DCC: variants seen among roughly 807,000 people sequenced by gnomAD.
DCC encodes DCC netrin 1 receptor, also known as netrin receptor DCC.
Under a neutral mutation model 172.5 loss-of-function variants are expected in DCC, and 58 were observed. That is an observed-to-expected ratio of 0.34 (90% CI 0.27 to 0.42). The LOEUF is 0.42. DCC is among the 10% of genes least tolerant of loss of function. DCC has a pLI of 1.00. For synonymous variants in DCC, 709 were observed against 644.5 expected (o/e 1.10, Z -1.52); for missense variants, 1,740 against 1,791.0 (o/e 0.97, Z 0.51).
chr18:53,268,821 C>A (rs554024578), intron 12 of DCC, among the ~76,000 whole-genome samples: 13 of 152,270 alleles, frequency 8.5e-5, no homozygotes, highest in East Asian at 1.9e-4. Context: ...AGCTAAAGAG[C>A]AGAGGACTGG....
chr18:52,617,955 G>GA (rs1395948044), intron 1 of DCC, among the ~76,000 whole-genome samples: 2 of 152,108 alleles, frequency 1.3e-5, no homozygotes, highest in East Asian at 3.9e-4. Context: ...TCAAAGGTAT[G>GA]ACAGAAACCT....
chr18:53,340,069 CACACACAT>C (rs2057639662), intron 15 of DCC, among the ~76,000 whole-genome samples, 162 bp downstream of exon 15: 1 of 125,650 alleles, frequency 8.0e-6, no homozygotes, highest in Non-Finnish European at 1.8e-5. Flanking sequence ...CACACACACA[CACACACAT>C]ACACACACAC....
chr18:52,643,672 A>G (rs567375995), intron 1 of DCC, among the ~76,000 whole-genome samples: 44 of 152,262 alleles, frequency 2.9e-4, no homozygotes, highest in Admixed American at 9.2e-4. Flanking sequence ...CCCACATTCC[A>G]CACTATTTTC....
chr18:53,034,358 C>T (rs1027252085), intron 5 of DCC, among the ~76,000 whole-genome samples: 5 of 151,992 alleles, frequency 3.3e-5, no homozygotes, highest in Non-Finnish European at 5.9e-5. Context: ...AGAAACATTT[C>T]CCATCTTAGT....
intron 1 of DCC, among the ~76,000 whole-genome samples, chr18:52,535,878 A>G (rs536252682): frequency 1.3e-5 from 2 of 152,180 alleles, no homozygotes; most frequent in Non-Finnish European, 2.9e-5. Flanking sequence ...CCAAAGCCTG[A>G]TTACACAGTG....
chr18:53,397,370 A>G lies in DCC; in HGVS notation c.2751A>G (p.Glu917=). Residue 917 remains glutamate (E), a synonymous_variant, in exon 18 of 29, where the codon GAA becomes GAG. Coordinates refer to ENST00000442544, the MANE Select transcript of DCC (RefSeq NM_005215.4). The stretch of plus-strand genomic sequence containing the variant: ...GCCTCAAACCAAACACAATGTATGA[A>G]TTCTCGGTCATGGTAACAAAAAACA... ...ATGLKPNTMY[E]FSVMVTKNRR... 1 of 1,613,938 alleles carries G rather than the reference A, an allele frequency of 6.2e-7. No individual in the cohort carries two copies.
intron 14 of DCC, among the ~76,000 whole-genome samples, chr18:53,328,906 C>T (rs1207076273): frequency 6.6e-6 from 1 of 152,250 alleles, no homozygotes; most frequent in East Asian, 1.9e-4. Flanking sequence ...ATGAAATACT[C>T]AGACCATTGG....
intron 9 of DCC, among the ~76,000 whole-genome samples, chr18:53,197,419 G>GTTT (rs11427253): frequency 0.061 from 7,229 of 119,394 alleles, 589 homozygotes; most frequent in African/African-American, 0.18. Context: ...TTTTATTTTA[G>GTTT]TTTTTTTTTT....
chr18:52,553,822 T>C (rs2032840948), intron 1 of DCC, among the ~76,000 whole-genome samples: 3 of 151,976 alleles, frequency 2.0e-5, no homozygotes, highest in Admixed American at 6.6e-5. Context: ...AAACAATATA[T>C]GCAAAGTCAT....
At chr18:53,302,045 TTCTTCTTGTG>T (rs972254895) in intron 12 of DCC, among the ~76,000 whole-genome samples, 3 of 152,222 alleles carry the variant, frequency 2.0e-5, no homozygotes, top group Admixed American at 2.0e-4. Context: ...GATGGCTACC[TTCTTCTTGTG>T]TCTTCACGTG....
chr18:52,602,699 A>G (rs1432576406), intron 1 of DCC, among the ~76,000 whole-genome samples: 1 of 151,638 alleles, frequency 6.6e-6, no homozygotes. Flanking sequence ...CTTTTTTTTT[A>G]CAATGAAAAA....
intron 9 of DCC, among the ~76,000 whole-genome samples, chr18:53,186,440 C>T (rs957547258): frequency 2.0e-5 from 3 of 152,168 alleles, no homozygotes; most frequent in African/African-American, 7.2e-5. Context: ...ATATTGTCGT[C>T]ATGCTGGTGC....
At chr18:52,783,528 T>G (rs922063545) in intron 2 of DCC, among the ~76,000 whole-genome samples, 2 of 151,676 alleles carry the variant, frequency 1.3e-5, no homozygotes, top group Non-Finnish European at 2.9e-5. Flanking sequence ...GTTGATAGTA[T>G]TATTTTTTCT....
chr18:52,946,000 C>T (rs2040539125), intron 5 of DCC, among the ~76,000 whole-genome samples: 1 of 152,198 alleles, frequency 6.6e-6, no homozygotes, highest in Admixed American at 6.5e-5. Context: ...GCTAGAGGAA[C>T]ATGTGCTCTT....
At chr18:53,186,315 A>C (rs1434469304) in intron 9 of DCC, among the ~76,000 whole-genome samples, 2 of 152,182 alleles carry the variant, frequency 1.3e-5, no homozygotes, top group Admixed American at 6.5e-5. Context: ...GAGGTTCCCT[A>C]AGTAGATCTG....
chr18:52,939,023 A>G (rs755972315), intron 5 of DCC, among the ~76,000 whole-genome samples: 3 of 152,156 alleles, frequency 2.0e-5, no homozygotes, highest in Non-Finnish European at 2.9e-5. Flanking sequence ...GAAACTCTCA[A>G]GGGACTTCCA....
chr18:52,899,676 T>A (rs564768359), intron 2 of DCC, among the ~76,000 whole-genome samples: 3 of 152,028 alleles, frequency 2.0e-5, no homozygotes, highest in Non-Finnish European at 4.4e-5. Context: ...TTTTTTTTTT[T>A]ATAGAGACAG....
At chr18:53,084,435 A>G (rs1256498283) in intron 7 of DCC, among the ~76,000 whole-genome samples, 2 of 152,208 alleles carry the variant, frequency 1.3e-5, no homozygotes, top group Admixed American at 1.3e-4. Context: ...AATATTAAAT[A>G]CACTGCAAGT....
intron 5 of DCC, among the ~76,000 whole-genome samples, chr18:53,057,079 TAAA>T (rs11316527): frequency 9.7e-4 from 87 of 89,326 alleles, no homozygotes; most frequent in South Asian, 7.4e-3. Context: ...CTTCTAAAAG[TAAA>T]AAAAAAAAAA....
Sources: allele counts gnomAD v4.1 joint callset (sites outside exome capture counted in the v4.1 genomes callset), GRCh38; gene constraint gnomAD v4.1.1; transcripts MANE v1.5; gene names NCBI Gene and HGNC (gene_info 2026-07-23, HGNC 2026-07-21).